Variants in IYD observed in about 807,000 individuals in gnomAD.
IYD encodes iodotyrosine deiodinase.
In IYD, 25 loss-of-function variants were observed where a neutral mutation model predicts 28.4. That is an observed-to-expected ratio of 0.88 (90% confidence interval 0.64 to 1.23). IYD has a LOEUF of 1.23. Among genes scored for constraint, IYD ranks in the 50% most tolerant of loss-of-function variants. The pLI is 0.00. For missense variants in IYD, 352 were observed against 357.9 expected (o/e 0.98, Z 0.13); for synonymous variants, 140 against 130.8 (o/e 1.07, Z -0.48).
intron 1 of IYD, among the ~76,000 whole-genome samples, chr6:150,372,318 TG>T (rs1160655523): frequency 4.2e-5 from 4 of 95,180 alleles, no homozygotes; most frequent in African/African-American, 1.8e-4. Context: ...CATGTGTGTG[TG>T]GGTGGGGTGG....
intron 3 of IYD, 85 bp from the exon 4 acceptor site, chr6:150,394,014 T>C: frequency 2.2e-6 from 3 of 1,344,882 alleles, no homozygotes; most frequent in Non-Finnish European, 3.1e-6. Context: ...AATATGTTTT[T>C]ATTTTTATCA....
chr6:150,377,860 G>T (rs1197636240), intron 1 of IYD, among the ~76,000 whole-genome samples: 2 of 152,184 alleles, frequency 1.3e-5, no homozygotes, highest in Non-Finnish European at 2.9e-5. Flanking sequence ...CCTTGATAAA[G>T]TTCAGAGTTG....
chr6:150,388,790 C>A, intron 1 of IYD, among the ~76,000 whole-genome samples: 1 of 150,882 alleles, frequency 6.6e-6, no homozygotes, highest in East Asian at 1.9e-4. Flanking sequence ...CAACTTCTGC[C>A]TCCCAGGTTC....
intron 1 of IYD, chr6:150,384,263 G>A (rs1026179848): frequency 5.9e-5 from 9 of 152,114 alleles, no homozygotes; most frequent in African/African-American, 2.2e-4. Flanking sequence ...TATTAGGGCA[G>A]GTTTGTTAAA....
intron 1 of IYD, among the ~76,000 whole-genome samples, chr6:150,380,139 A>G (rs890023374): frequency 6.6e-5 from 10 of 152,224 alleles, no homozygotes; most frequent in Admixed American, 5.2e-4. Flanking sequence ...AATGACTTGT[A>G]TATTTCCATC....
At chr6:150,373,172 T>C (rs913067116) in intron 1 of IYD, among the ~76,000 whole-genome samples, 1 of 152,212 alleles carries the variant, frequency 6.6e-6, no homozygotes, top group South Asian at 2.1e-4. Context: ...ACTTGTCCAG[T>C]CTTTTCTAAG....
At position 150,399,361 on chromosome 6, in the gene IYD, C is replaced by T. The variant is rs763367917; in HGVS notation, c.*1124C>T. ...CCCACAGTGTCTCCCTTCTCTTCTA[C>T]CCCAACCCCTGAAACACACTGACCC... is the stretch of plus-strand genomic sequence containing the variant. On this transcript the variant is annotated 3_prime_UTR_variant, in exon 5 of 5. Transcript: ENST00000344419. 6.6e-6 allele frequency: 1 copy of T among 152,256 alleles called. No homozygotes were observed. The highest frequency in any genetic ancestry group is 1.5e-5 in the Non-Finnish European group (1 of 68,086). The allele number at this position is 152,256 out of a possible 1,614,324, so 9.4% of individuals were successfully genotyped here.
Position 150,370,083 on chromosome 6 carries a change from G to A in IYD, c.178+874G>A, listed in dbSNP as rs150899849. The A allele has an allele frequency of 1.3e-3, 937 of 700,976 alleles. 6 individuals carry two copies. Among genetic ancestry groups the A allele is most frequent in the African/African-American group, 0.012 (708 of 57,336 alleles). The allele number at this position is 700,976 out of a possible 1,614,324, so 43.4% of individuals were successfully genotyped here. A position where few individuals can be genotyped will look rare whatever the true frequency, so the allele number is the denominator to read the frequency against. On this transcript the variant is annotated intron_variant, in intron 1 of 4. Transcript: ENST00000344419. ...GAGAAGCTTTGTCTGGGATGGGTTC[G>A]ATTTGGAAGAGGCTCTGTGATCTTC...
rs573158807 is a variant in IYD at position 150,402,265 on chromosome 6, C to G, written c.*4028C>G. The stretch of plus-strand genomic sequence containing the variant: ...GGCATGGCTGCCTCCTTCCTAGAGG[C>G]AGCAGGGGGAGAAAACACTGGAAGA... On this transcript the variant is annotated 3_prime_UTR_variant, in exon 5 of 5. Transcript: ENST00000344419. 1 of 152,306 alleles carries G rather than the reference C, an allele frequency of 6.6e-6. No individual in the cohort carries two copies. Among genetic ancestry groups the G allele is most frequent in the Non-Finnish European group, 1.5e-5 (1 of 68,034 alleles). The allele number at this position is 152,306 out of a possible 1,614,324, so 9.4% of individuals were successfully genotyped here.
At chr6:150,381,197 C>T (rs968533176) in intron 1 of IYD, among the ~76,000 whole-genome samples, 2 of 152,076 alleles carry the variant, frequency 1.3e-5, no homozygotes, top group Admixed American at 6.6e-5. Context: ...ATTTTAAACA[C>T]GAAACAGAAA....
At chr6:150,389,634 G>C in intron 2 of IYD, 91 bp downstream of exon 2, 1 of 1,135,238 alleles carries the variant, frequency 8.8e-7, no homozygotes, top group South Asian at 1.2e-5. Flanking sequence ...TAAACATAGC[G>C]AATAAAGCCT....
At chr6:150,395,709 T>G (rs1778287848) in intron 4 of IYD, 1 of 744,640 alleles carries the variant, frequency 1.3e-6, no homozygotes, top group South Asian at 1.5e-5. Context: ...TCCAGTATGG[T>G]GACTGGGTCT....
At chr6:150,374,130 T>C (rs1209906563) in intron 1 of IYD, among the ~76,000 whole-genome samples, 2 of 152,208 alleles carry the variant, frequency 1.3e-5, no homozygotes, top group Non-Finnish European at 2.9e-5. Flanking sequence ...AAAAATACCT[T>C]TTCCTCTACC....
intron 1 of IYD, 141 bp from the exon 2 acceptor site, chr6:150,389,211 A>C (rs958130889): frequency 1.1e-4 from 71 of 663,960 alleles, no homozygotes; most frequent in Middle Eastern, 4.1e-4. Context: ...AGGATTCTGT[A>C]AATCTATTCT....
intron 1 of IYD, chr6:150,370,825 C>T (rs1346957752): frequency 4.5e-6 from 1 of 221,942 alleles, no homozygotes. Flanking sequence ...AGACTGGAAG[C>T]TATCATAAGT....
In IYD at chr6:150,398,978, T is replaced by C. The variant is rs936632180; in HGVS notation, c.*741T>C. On this transcript the variant is annotated 3_prime_UTR_variant, in exon 5 of 5. Transcript: ENST00000344419. ...TGAATCCGGGAGGTAGAGATTGCAG[T>C]GAGTCAAGATGCTGAGATGCCACCA... 3.3e-5 allele frequency: 5 copies of C among 152,106 alleles called. No homozygotes were observed. The highest frequency in any genetic ancestry group is 3.3e-4 in the Admixed American group (5 of 15,276). The allele number at this position is 152,106 out of a possible 1,614,324, so 9.4% of individuals were successfully genotyped here.
At chr6:150,394,448 T>C (rs1049661666) in intron 4 of IYD, among the ~76,000 whole-genome samples, 193 bp downstream of exon 4, 3 of 152,216 alleles carry the variant, frequency 2.0e-5, no homozygotes, top group African/African-American at 7.2e-5. Context: ...AATTCACTTA[T>C]AACATCATTT....
chr6:150,396,488 C>T (rs552265079), intron 4 of IYD: 91 of 699,462 alleles, frequency 1.3e-4, no homozygotes, highest in Non-Finnish European at 2.0e-4. Flanking sequence ...CTGCTAGAGA[C>T]ATACAAAATT....
chr6:150,376,946 A>G (rs1165712376), intron 1 of IYD, among the ~76,000 whole-genome samples: 1 of 152,162 alleles, frequency 6.6e-6, no homozygotes, highest in Non-Finnish European at 1.5e-5. Flanking sequence ...TTGGAAAGAA[A>G]TGCCCCTAGT....
Sources: gnomAD v4.1 joint callset for allele counts (sites outside exome capture counted in the v4.1 genomes callset) on GRCh38, gnomAD v4.1.1 for gene constraint, MANE v1.5 for transcripts, NCBI Gene and HGNC (gene_info 2026-07-23, HGNC 2026-07-21) for gene names.